Variants in MFSD11 observed in about 807,000 individuals in gnomAD.
MFSD11 encodes UNC93-like protein MFSD11.
MFSD11 carries 36 observed loss-of-function variants against 53.5 expected under a neutral mutation model. The ratio of observed to expected loss-of-function variants is 0.67; its 90% CI spans 0.52 to 0.89. The LOEUF (loss-of-function observed/expected upper bound fraction) is 0.89, where lower values mean the gene tolerates loss of function less well. Ranked by LOEUF, MFSD11 falls within the 40% of genes least tolerant of loss-of-function variation. The pLI is 0.00. For missense variants in MFSD11, 530 were observed against 543.9 expected (o/e 0.97, Z 0.25); for synonymous variants, 186 against 184.9 (o/e 1.01, Z -0.05).
chr17:76,792,769 G>A, the MFSD11 span, among the ~76,000 whole-genome samples: 1 of 151,610 alleles, frequency 6.6e-6, no homozygotes, highest in South Asian at 2.1e-4. Flanking sequence ...GGTCCTTAAA[G>A]TGGAAGATTA....
downstream of MFSD11, among the ~76,000 whole-genome samples, chr17:76,786,173 G>A (rs1350714460): frequency 2.1e-5 from 3 of 140,432 alleles, no homozygotes; most frequent in Non-Finnish European, 3.1e-5. Flanking sequence ...GAGACGGAGT[G>A]TTGCTCTGTC....
At position 76,776,356 on chromosome 17, in the gene MFSD11, A is replaced by G. The variant is rs776853895; in HGVS notation, c.1050-50A>G. ...TGGGTGGGTTGCTTGTATATTTTAA[A>G]TGGCTCTAGCAGATATTGCTCATAC... On this transcript the variant is annotated intron_variant, in intron 11 of 12. Transcript: ENST00000685175. The surrounding 1 kb of genome is among the most constrained non-coding windows in gnomAD (Gnocchi z 4.2). 1 of 1,581,258 alleles carries G rather than the reference A, an allele frequency of 6.3e-7. No individual in the cohort carries two copies. The highest frequency in any genetic ancestry group is 1.2e-5 in the South Asian group (1 of 86,648).
upstream of MFSD11, chr17:76,737,113 G>C (rs1289391142): frequency 6.2e-7 from 1 of 1,608,692 alleles, no homozygotes; most frequent in Non-Finnish European, 8.5e-7. Flanking sequence ...TGTCCACCTT[G>C]AGGGAGGTCA....
intron 7 of MFSD11, among the ~76,000 whole-genome samples, chr17:76,748,956 G>A (rs1177886045): frequency 6.6e-6 from 1 of 151,062 alleles, no homozygotes; most frequent in Non-Finnish European, 1.5e-5. Context: ...GAGGTTCTCT[G>A]ATATTCCAAG....
At chr17:76,741,202 T>C in intron 3 of MFSD11, 138 bp downstream of exon 3, 2 of 627,600 alleles carry the variant, frequency 3.2e-6, no homozygotes, top group Non-Finnish European at 5.7e-6. Flanking sequence ...GCTCAGTACT[T>C]GTTGCTCAGG....
At position 76,778,232 on chromosome 17, in the gene MFSD11, C is replaced by G; in HGVS notation, c.1230C>G (p.Leu410=). ...CATTTTTCTACAGCAACTACCTTCT[C>G]CTTCACTGGCAACTCCTGGTCATGG... ...AVAFFYSNYL[L]LHWQLLVMVI... The change falls in exon 13 of 13, where the codon CTC becomes CTG. Residue 410 remains leucine, a synonymous_variant. Transcript: ENST00000685175. 6.2e-7 allele frequency: 1 copy of G among 1,614,208 alleles called. No individual in the cohort carries two copies. Among genetic ancestry groups the G allele is most frequent in the Non-Finnish European group, 8.5e-7 (1 of 1,180,042 alleles).
chr17:76,739,088 G>C (rs978684374), intron 2 of MFSD11, 95 bp downstream of exon 2: 1 of 944,908 alleles, frequency 1.1e-6, no homozygotes, highest in Non-Finnish European at 1.7e-6. Flanking sequence ...GATTGAATAA[G>C]TGGTGATGGC....
intron 11 of MFSD11, among the ~76,000 whole-genome samples, chr17:76,775,574 A>G (rs1184675731): frequency 6.6e-6 from 1 of 152,182 alleles, no homozygotes; most frequent in Non-Finnish European, 1.5e-5. Context: ...GTTTGAGGAT[A>G]TCGGTTTAGT....
At chr17:76,739,427 T>C (rs2077835768) in intron 2 of MFSD11, among the ~76,000 whole-genome samples, 1 of 152,212 alleles carries the variant, frequency 6.6e-6, no homozygotes, top group Non-Finnish European at 1.5e-5. Context: ...TGTCAGGAGC[T>C]TTTAGATTTT....
At chr17:76,800,285 A>G in the MFSD11 span, among the ~76,000 whole-genome samples, 1 of 151,948 alleles carries the variant, frequency 6.6e-6, no homozygotes, top group African/African-American at 2.4e-5. Context: ...TTCTCTTTTT[A>G]CTAAGTATCT....
chr17:76,766,960 A>G (rs2080903437), intron 8 of MFSD11: 1 of 157,426 alleles, frequency 6.4e-6, no homozygotes, highest in Admixed American at 6.5e-5. Flanking sequence ...GTATGGCCAA[A>G]AAGCTGCCCT....
At chr17:76,747,886 A>T (rs2078690440) in intron 7 of MFSD11, 1 of 152,134 alleles carries the variant, frequency 6.6e-6, no homozygotes, top group African/African-American at 2.4e-5. Context: ...TCTCTTCCTG[A>T]ATCGTCTCCT....
At chr17:76,770,568 G>A (rs533381563) in intron 10 of MFSD11, among the ~76,000 whole-genome samples, 4 of 152,276 alleles carry the variant, frequency 2.6e-5, no homozygotes, top group Admixed American at 2.6e-4. Flanking sequence ...AGATTCCACA[G>A]GTTTAAGGGT....
chr17:76,736,645 A>T, upstream of MFSD11: 1 of 1,172,182 alleles, frequency 8.5e-7, no homozygotes, highest in South Asian at 2.2e-5. Flanking sequence ...CAGACGGCGG[A>T]AGCTCGCGGG....
chr17:76,803,366 A>T, the MFSD11 span, among the ~76,000 whole-genome samples: 1,363 of 152,332 alleles, frequency 8.9e-3, 20 homozygotes, highest in African/African-American at 0.03. Context: ...AACAATGACG[A>T]TAACAGCCCT....
At chr17:76,754,740 C>G (rs1189536445) in intron 8 of MFSD11, among the ~76,000 whole-genome samples, 1 of 151,402 alleles carries the variant, frequency 6.6e-6, no homozygotes, top group African/African-American at 2.4e-5. Context: ...AGCAGTAGCT[C>G]CAGTGACCCA....
chr17:76,746,911 C>T (rs1404002310), intron 7 of MFSD11, among the ~76,000 whole-genome samples: 2 of 151,566 alleles, frequency 1.3e-5, no homozygotes, highest in Non-Finnish European at 2.9e-5. Flanking sequence ...GGAGTAATTT[C>T]CATTTTTTTT....
chr17:76,753,392 G>T (rs1293850421), intron 7 of MFSD11, among the ~76,000 whole-genome samples: 7 of 152,170 alleles, frequency 4.6e-5, no homozygotes, highest in African/African-American at 7.2e-5. Context: ...AACAGGATAG[G>T]CCGGGTGTGG....
At chr17:76,786,911 G>A in the MFSD11 span, among the ~76,000 whole-genome samples, 5 of 152,012 alleles carry the variant, frequency 3.3e-5, no homozygotes. Context: ...TGCCTCCCAG[G>A]TTCAAGCAAT....
Sources: allele counts gnomAD v4.1 joint callset (sites outside exome capture counted in the v4.1 genomes callset), GRCh38; gene constraint gnomAD v4.1.1; non-coding constraint Gnocchi (gnomAD v3.1); transcripts MANE v1.5; gene names NCBI Gene and HGNC (gene_info 2026-07-23, HGNC 2026-07-21).